The following DNAJC17 variants were observed in gnomAD, a reference collection of about 807,000 sequenced individuals.
The protein encoded by DNAJC17 is dnaJ homolog subfamily C member 17.
DNAJC17 carries 35 observed loss-of-function variants against 48.1 expected under a neutral mutation model. The ratio of observed to expected loss-of-function variants is 0.73; its 90% confidence interval spans 0.56 to 0.96. The LOEUF (loss-of-function observed/expected upper bound fraction) is 0.96, where lower values mean the gene tolerates loss of function less well. DNAJC17 is among the 50% of genes least tolerant of loss of function. The pLI is 0.00. For synonymous variants in DNAJC17, 117 were observed against 142.7 expected (o/e 0.82, Z 1.28); for missense variants, 355 against 377.1 (o/e 0.94, Z 0.48).
At chr15:40,781,648 G>A (rs188931412) in intron 1 of DNAJC17, among the ~76,000 whole-genome samples, 1 of 152,048 alleles carries the variant, frequency 6.6e-6, no homozygotes, top group Non-Finnish European at 1.5e-5. Context: ...TAGTCCAGGT[G>A]CGGTGGCTCA....
At chr15:40,776,691 C>T (rs1211962806) in intron 4 of DNAJC17, 64 bp from the exon 5 acceptor site, 1 of 1,550,956 alleles carries the variant, frequency 6.4e-7, no homozygotes, top group East Asian at 2.3e-5. Flanking sequence ...CCTCGGCCCA[C>T]CCCAGCTCTG....
At chr15:40,775,139 CT>C (rs772040004) in intron 7 of DNAJC17, 31 bp from the exon 8 acceptor site, 1 of 1,609,500 alleles carries the variant, frequency 6.2e-7, no homozygotes, top group Non-Finnish European at 8.5e-7. Flanking sequence ...AACACTGATT[CT>C]TGGCTGAACA....
chr15:40,788,813 C>T (rs1889718172), intron 1 of DNAJC17, among the ~76,000 whole-genome samples: 1 of 152,166 alleles, frequency 6.6e-6, no homozygotes. Context: ...TTTGAGGCTG[C>T]ATGCCACTGC....
In DNAJC17 at chr15:40,774,447, A is replaced by G; in HGVS notation, c.601-11T>C. 1 of 1,613,864 alleles carries G rather than the reference A, an allele frequency of 6.2e-7. No homozygotes were observed. The highest frequency in any genetic ancestry group is 1.1e-5 in the South Asian group (1 of 91,078). ...GAGAACCTCACCATACTGTGGGGAC[A>G]AAGGGGTCCTAATAAGCATGACTTG... On this transcript the variant is annotated splice_polypyrimidine_tract_variant and intron_variant, in intron 8 of 10. Coordinates refer to ENST00000220496, the MANE Select transcript of DNAJC17 (RefSeq NM_018163.3).
At chr15:40,779,706 G>T in intron 2 of DNAJC17, 103 bp from the exon 3 acceptor site, 1 of 1,349,964 alleles carries the variant, frequency 7.4e-7, no homozygotes, top group Non-Finnish European at 1.0e-6. Context: ...TCACAGGATG[G>T]CAGACAAGCC....
At chr15:40,783,871 A>G (rs761816240) in intron 1 of DNAJC17, among the ~76,000 whole-genome samples, 27 of 152,216 alleles carry the variant, frequency 1.8e-4, no homozygotes, top group Non-Finnish European at 3.5e-4. Flanking sequence ...TCAAAAAAAT[A>G]AAATAAAAGT....
chr15:40,798,313 AAGT>A (rs933032368), intron 1 of DNAJC17, among the ~76,000 whole-genome samples: 6 of 152,180 alleles, frequency 3.9e-5, no homozygotes, highest in African/African-American at 1.4e-4. Flanking sequence ...TAGAGAAAGA[AAGT>A]AGAAGAGTGG....
intron 1 of DNAJC17, among the ~76,000 whole-genome samples, chr15:40,797,613 T>C (rs968118587): frequency 6.6e-6 from 1 of 151,372 alleles, no homozygotes; most frequent in African/African-American, 2.4e-5. Flanking sequence ...GATTTCACTA[T>C]GTTGGCCAAG....
intron 1 of DNAJC17, among the ~76,000 whole-genome samples, chr15:40,791,619 C>T (rs183823508): frequency 1.8e-4 from 28 of 152,016 alleles, no homozygotes; most frequent in Admixed American, 2.6e-4. Context: ...CTGAGGTGGG[C>T]GGATCACCTG....
At chr15:40,799,640 G>A (rs1890027706) in intron 1 of DNAJC17, among the ~76,000 whole-genome samples, 1 of 152,062 alleles carries the variant, frequency 6.6e-6, no homozygotes, top group Non-Finnish European at 1.5e-5. Flanking sequence ...ATTCTCCTTT[G>A]TTGTTTTGTG....
rs559661236 is a variant in DNAJC17 at position 40,765,653 on chromosome 15, A to G, written c.*2287T>C. ...GGCGCCTACATTGCTCCTCCTGATC[A>G]TTGATGGGCTCCACCCCTTCACAGC... On this transcript the variant is annotated 3_prime_UTR_variant, in exon 11 of 11. Transcript: ENST00000220496. 8 of 399,500 alleles carry G rather than the reference A, an allele frequency of 2.0e-5. 1 individual carries two copies. The East Asian group carries it at 2.5e-4, about 13-fold the overall frequency. 24.7% of individuals were successfully genotyped at this position (399,500 alleles called of 1,614,324 possible). A position where few individuals can be genotyped will look rare whatever the true frequency, so the allele number is the denominator to read the frequency against.
intron 1 of DNAJC17, among the ~76,000 whole-genome samples, chr15:40,791,864 AAAAC>A (rs1889816112): frequency 1.3e-5 from 2 of 152,166 alleles, no homozygotes; most frequent in Non-Finnish European, 2.9e-5. Context: ...AAAACAAAAC[AAAAC>A]AAACAGGCTC....
rs1224742733 is a variant in DNAJC17 at position 40,779,102 on chromosome 15, G to A, written c.295+121C>T. 4 of 939,896 alleles carry A rather than the reference G, an allele frequency of 4.3e-6. No individual in the cohort carries two copies. The East Asian group carries it at 7.3e-5, about 17-fold the overall frequency. 58.2% of individuals were successfully genotyped at this position (939,896 alleles called of 1,614,324 possible). On this transcript the variant is annotated intron_variant, in intron 4 of 10. Coordinates refer to ENST00000220496, the MANE Select transcript of DNAJC17 (RefSeq NM_018163.3). ...AACCAACCTCTAAGAACAGCGTTTTGCCCAGAGCCTGAGCCAAAAGGCTTT... is the reference window on the plus strand; with the variant it reads ...AACCAACCTCTAAGAACAGCGTTTTACCCAGAGCCTGAGCCAAAAGGCTTT...
In DNAJC17 at chr15:40,781,751, C is replaced by T. The variant is rs539078721; in HGVS notation, c.79-1754G>A. 8.8e-4 allele frequency among the ~76,000 whole-genome samples: 132 copies of T among 150,794 alleles called. 1 individual carries two copies. Among genetic ancestry groups the T allele is most frequent in the Non-Finnish European group, 1.5e-3 (100 of 67,732 alleles). On this transcript the variant is annotated intron_variant, in intron 1 of 10. Transcript: ENST00000220496. ...CCCGGCTAACACGGTGAAACCCCGT[C>T]TCTACTAAAAATACAAAAAAATTAG...
intron 1 of DNAJC17, among the ~76,000 whole-genome samples, chr15:40,804,203 C>G (rs1890146901): frequency 6.6e-6 from 1 of 152,014 alleles, no homozygotes; most frequent in Non-Finnish European, 1.5e-5. Flanking sequence ...CTCCTGGCCT[C>G]AAGCGTTCCT....
At chr15:40,774,467 G>A in intron 8 of DNAJC17, 31 bp from the exon 9 acceptor site, 2 of 1,612,654 alleles carry the variant, frequency 1.2e-6, no homozygotes, top group Non-Finnish European at 1.7e-6. Context: ...TAATAAGCAT[G>A]ACTTGGCCTT....
At chr15:40,775,727 T>G in intron 6 of DNAJC17, 131 bp from the exon 7 acceptor site, 11 of 909,988 alleles carry the variant, frequency 1.2e-5, no homozygotes, top group Non-Finnish European at 1.6e-5. Context: ...TGCCCAGCTC[T>G]GGTGAGGGCC....
At chr15:40,802,168 A>ATTTT (rs759016627) in intron 1 of DNAJC17, among the ~76,000 whole-genome samples, 5,550 of 133,888 alleles carry the variant, frequency 0.041, 434 homozygotes, top group African/African-American at 0.15. Context: ...AAAGAGTTCA[A>ATTTT]TTTTTTTTTT....
At chr15:40,803,980 C>T (rs7177218) in intron 1 of DNAJC17, among the ~76,000 whole-genome samples, 18,695 of 107,442 alleles carry the variant, frequency 0.17, 1,318 homozygotes, top group Middle Eastern at 0.27. Context: ...ATTTTCTTTT[C>T]TTTTTTAAGA....
Sources: gnomAD v4.1 joint callset for allele counts (sites outside exome capture counted in the v4.1 genomes callset) on GRCh38, gnomAD v4.1.1 for gene constraint, MANE v1.5 for transcripts, NCBI Gene and HGNC (gene_info 2026-07-23, HGNC 2026-07-21) for gene names.